RIDA: variants seen among roughly 807,000 people sequenced by gnomAD.
RIDA encodes the protein reactive intermediate imine deaminase A.
RIDA carries 17 observed loss-of-function variants against 17.8 expected under a neutral mutation model. The ratio of observed to expected loss-of-function variants is 0.96; its 90% CI spans 0.65 to 1.43. The LOEUF is 1.43. Ranked by LOEUF, RIDA falls within the 40% of genes most tolerant of loss-of-function variation. The pLI is 0.00. For missense variants in RIDA, 158 were observed against 161.7 expected (o/e 0.98, Z 0.12); for synonymous variants, 48 against 55.7 (o/e 0.86, Z 0.62).
chr8:98,108,828 G>T, intron 1 of RIDA, 77 bp from the exon 2 acceptor site: 1 of 824,600 alleles, frequency 1.2e-6, no homozygotes, highest in Non-Finnish European at 2.0e-6. Context: ...TTTTTGATAG[G>T]ACAGAGAAGT....
chr8:98,114,482 A>T (rs1431891758), intron 1 of RIDA, among the ~76,000 whole-genome samples: 1 of 142,718 alleles, frequency 7.0e-6, no homozygotes, highest in Non-Finnish European at 1.5e-5. Flanking sequence ...ACGCCACTAT[A>T]CCCAGCTAAT....
At chr8:98,106,375 G>A (rs1346988903) in intron 2 of RIDA, 49 bp from the exon 3 acceptor site, 2 of 1,481,512 alleles carry the variant, frequency 1.3e-6, no homozygotes, top group African/African-American at 1.4e-5. Flanking sequence ...TAGATTTAAA[G>A]CTTTAATTAA....
Position 98,104,520 on chromosome 8 carries a change from C to G in RIDA, c.320G>C (p.Arg107Thr), listed in dbSNP as rs773978185. ...TAAAGCAGCAACTTGGTAAGCAGCTCTAGCAGGAAAATTACTCTTGAAATC... is the reference window on the plus strand; with the variant it reads ...TAAAGCAGCAACTTGGTAAGCAGCTGTAGCAGGAAAATTACTCTTGAAATC... Reference protein sequence around the residue: ...KQYFKSNFPARAAYQVAALPK... With the variant: ...KQYFKSNFPATAAYQVAALPK... The change falls in exon 5 of 6, where the codon AGA (arginine) becomes ACA (threonine). Residue 107 changes from arginine to threonine, a missense_variant. Transcript: ENST00000254878. The G allele has an allele frequency of 6.3e-7, 1 of 1,592,770 alleles. No homozygotes were observed. Among genetic ancestry groups the G allele is most frequent in the South Asian group, 1.1e-5 (1 of 90,248 alleles).
chr8:98,114,945 C>G lies in RIDA; in HGVS notation c.65+2087G>C, dbSNP rs1185889302. On this transcript the variant is annotated intron_variant, in intron 1 of 5. Transcript: ENST00000254878. ...AACAAAGTAAATGATTAAGACTAGG[C>G]TCTAGTACCCATTTCCTAAATTCAA... 3.9e-5 allele frequency among the ~76,000 whole-genome samples: 6 copies of G among 151,942 alleles called. No individual in the cohort carries two copies. The East Asian group carries it at 1.2e-3, about 29-fold the overall frequency.
At chr8:98,102,960 A>G (rs565860428) in intron 5 of RIDA, 56 bp from the exon 6 acceptor site, 2 of 1,232,848 alleles carry the variant, frequency 1.6e-6, no homozygotes, top group South Asian at 2.5e-5. Context: ...TGCAAACTCT[A>G]TAATACCTAC....
chr8:98,106,182 A>G, intron 3 of RIDA, 90 bp downstream of exon 3: 1 of 1,269,530 alleles, frequency 7.9e-7, no homozygotes, highest in East Asian at 2.3e-5. Flanking sequence ...CAACAAAGAT[A>G]TGGCACGGCA....
rs1008586434 is a variant in RIDA, at chr8:98,117,097, G to A, written c.-1C>T. 11 of 1,613,934 alleles carry A rather than the reference G, an allele frequency of 6.8e-6. No individual in the cohort carries two copies. Among genetic ancestry groups the A allele is most frequent in the Non-Finnish European group, 9.3e-6 (11 of 1,179,880 alleles). On this transcript the variant is annotated 5_prime_UTR_variant, in exon 1 of 6. Coordinates refer to ENST00000254878, the MANE Select transcript of RIDA (RefSeq NM_005836.3). ...TCACCCTTCTGATCAAGGACGACATGGCTAAGCCTTCCCTCTTGCAGCCCC... is the reference window on the plus strand; with the variant it reads ...TCACCCTTCTGATCAAGGACGACATAGCTAAGCCTTCCCTCTTGCAGCCCC...
intron 1 of RIDA, among the ~76,000 whole-genome samples, 183 bp downstream of exon 1, chr8:98,116,849 T>C (rs1815842631): frequency 1.3e-5 from 2 of 152,220 alleles, no homozygotes; most frequent in African/African-American, 4.8e-5. Flanking sequence ...CAAAGTCCCA[T>C]GGAGTGCAGG....
At chr8:98,106,459 C>T (rs1342298998) in intron 2 of RIDA, 133 bp from the exon 3 acceptor site, 4 of 707,698 alleles carry the variant, frequency 5.7e-6, no homozygotes, top group Non-Finnish European at 9.9e-6. Context: ...TACTCGCTTA[C>T]AAGTGTGTTT....
chr8:98,112,300 A>G (rs1162599187), intron 1 of RIDA, among the ~76,000 whole-genome samples: 2 of 151,992 alleles, frequency 1.3e-5, no homozygotes, highest in South Asian at 2.1e-4. Context: ...TACTATGTAC[A>G]GGATCCTGCC....
chr8:98,110,132 CA>C (rs745919916), intron 1 of RIDA, among the ~76,000 whole-genome samples: 2 of 152,076 alleles, frequency 1.3e-5, no homozygotes, highest in African/African-American at 4.8e-5. Context: ...TGTCTAGGGC[CA>C]GGGGTGATCA....
At chr8:98,116,997 C>T in intron 1 of RIDA, 35 bp downstream of exon 1, 3 of 1,585,604 alleles carry the variant, frequency 1.9e-6, no homozygotes, top group Non-Finnish European at 2.6e-6. Flanking sequence ...ACCCGCACGC[C>T]CTGGGTCCGA....
At chr8:98,115,527 A>C (rs946685919) in intron 1 of RIDA, among the ~76,000 whole-genome samples, 1 of 151,702 alleles carries the variant, frequency 6.6e-6, no homozygotes, top group African/African-American at 2.4e-5. Context: ...AACAAATTAA[A>C]ACATCACTTG....
At chr8:98,102,970 C>A in intron 5 of RIDA, 66 bp from the exon 6 acceptor site, 4 of 1,100,314 alleles carry the variant, frequency 3.6e-6, no homozygotes, top group South Asian at 1.3e-5. Flanking sequence ...ATAATACCTA[C>A]TAAAAACATG....
chr8:98,112,645 G>A (rs1815744175), intron 1 of RIDA, among the ~76,000 whole-genome samples: 1 of 152,064 alleles, frequency 6.6e-6, no homozygotes, highest in Admixed American at 6.6e-5. Flanking sequence ...TTTCATACTG[G>A]CCCACAAATA....
chr8:98,112,182 TAAAAC>T (rs1383980541), intron 1 of RIDA, among the ~76,000 whole-genome samples: 1 of 122,164 alleles, frequency 8.2e-6, no homozygotes, highest in African/African-American at 3.4e-5. Flanking sequence ...TTATCATAAA[TAAAAC>T]TATACTAAAC....
intron 5 of RIDA, among the ~76,000 whole-genome samples, chr8:98,103,169 T>C (rs565315417): frequency 2.5e-4 from 38 of 152,328 alleles, no homozygotes; most frequent in Admixed American, 2.2e-3. Flanking sequence ...CAGAATGATA[T>C]GCTGAAGTGT....
intron 5 of RIDA, 59 bp from the exon 6 acceptor site, chr8:98,102,963 A>G (rs1472507039): frequency 5.0e-6 from 6 of 1,204,270 alleles, no homozygotes; most frequent in South Asian, 1.3e-5. Context: ...AAACTCTATA[A>G]TACCTACTAA....
Position 98,117,047 on chromosome 8 carries a change from G to A in RIDA, c.50C>T (p.Ala17Val), listed in dbSNP as rs752364122. Residue 17 changes from alanine to valine, a missense_variant, in exon 1 of 6, where the codon GCC (alanine) becomes GTC (valine). By Grantham distance (64) the Ala-to-Val change is moderately conservative. Coordinates refer to ENST00000254878, the MANE Select transcript of RIDA (RefSeq NM_005836.3). ...GCCACGTTACCTGTAGGGTCCAATG[G>A]CCCCTGGGGCTTTCGCGGTGCTGAT... is the stretch of plus-strand genomic sequence containing the variant. ...RVISTAKAPG[A>V]IGPYSQAVLV... 5.6e-6 allele frequency: 9 copies of A among 1,614,056 alleles called. No individual in the cohort carries two copies. Among genetic ancestry groups the A allele is most frequent in the Non-Finnish European group, 6.8e-6 (8 of 1,179,880 alleles).
Sources: gnomAD v4.1 joint callset for allele counts (sites outside exome capture counted in the v4.1 genomes callset) on GRCh38, gnomAD v4.1.1 for gene constraint, MANE v1.5 for transcripts, NCBI Gene and HGNC (gene_info 2026-07-23, HGNC 2026-07-21) for gene names.